Variants in SBF2 observed in about 807,000 individuals in gnomAD.
SBF2 encodes the protein myotubularin-related protein 13.
In SBF2, 112 loss-of-function variants were observed where a neutral mutation model predicts 225.2. The ratio of observed to expected loss-of-function variants is 0.50; its 90% CI spans 0.43 to 0.58. The LOEUF (loss-of-function observed/expected upper bound fraction) is 0.58. Among genes scored for constraint, SBF2 ranks in the 20% least tolerant of loss-of-function variants. SBF2 has a pLI of 0.00. For missense variants in SBF2, 1,996 were observed against 2,206.2 expected, an observed-to-expected ratio of 0.90 and a Z score of 1.91; for synonymous variants, 763 against 773.3, an observed-to-expected ratio of 0.99 and a Z score of 0.22.
At position 9,983,248 on chromosome 11, in the gene SBF2, G is replaced by A. The variant is rs142133948; in HGVS notation, c.1395+6249C>T. Among the ~76,000 whole-genome samples, 751 of 152,282 alleles carry A rather than the reference G, an allele frequency of 4.9e-3. 7 individuals carry two copies. Among genetic ancestry groups the A allele is most frequent in the African/African-American group, 0.017 (723 of 41,552 alleles). ...ACTCAGGGCTACTGGGGGGCACAGC[G>A]GGAGAGAAACTGGCCCTTCTGTTTG... On this transcript the variant is annotated intron_variant, in intron 13 of 39. Transcript: ENST00000256190.
intron 6 of SBF2, among the ~76,000 whole-genome samples, chr11:10,003,859 C>A (rs1474864939): frequency 6.6e-6 from 1 of 152,020 alleles, no homozygotes; most frequent in Non-Finnish European, 1.5e-5. Flanking sequence ...CTGTTTATTA[C>A]TGAACCAAAT....
At chr11:10,105,372 A>G (rs945608135) in intron 2 of SBF2, among the ~76,000 whole-genome samples, 4 of 152,236 alleles carry the variant, frequency 2.6e-5, no homozygotes, top group African/African-American at 9.6e-5. Flanking sequence ...TACATTGGTA[A>G]TAAGCTACTA....
chr11:9,973,757 A>G (rs1451627581), intron 13 of SBF2, among the ~76,000 whole-genome samples: 1 of 152,180 alleles, frequency 6.6e-6, no homozygotes, highest in Non-Finnish European at 1.5e-5. Flanking sequence ...CTAATTTCAA[A>G]TAAAAGCAAA....
chr11:10,288,045 G>A (rs888631418), intron 1 of SBF2, among the ~76,000 whole-genome samples: 1 of 152,208 alleles, frequency 6.6e-6, no homozygotes, highest in Non-Finnish European at 1.5e-5. Context: ...CGGCACCGGG[G>A]AATGTAGTGG....
intron 1 of SBF2, among the ~76,000 whole-genome samples, chr11:10,254,210 TC>T (rs1158185280): frequency 6.6e-6 from 1 of 151,806 alleles, no homozygotes; most frequent in African/African-American, 2.4e-5. Flanking sequence ...ATAGTAAGAC[TC>T]CTAGCTCTAC....
intron 2 of SBF2, among the ~76,000 whole-genome samples, chr11:10,093,342 A>G (rs556294762): frequency 1.5e-4 from 23 of 151,586 alleles, no homozygotes; most frequent in African/African-American, 5.6e-4. Flanking sequence ...GATCAATATA[A>G]ACTCCAAATA....
At chr11:10,066,098 TC>T (rs1282320548) in intron 2 of SBF2, among the ~76,000 whole-genome samples, 1 of 152,078 alleles carries the variant, frequency 6.6e-6, no homozygotes, top group Non-Finnish European at 1.5e-5. Flanking sequence ...ACCCTACAGT[TC>T]CAGATGGCTT....
intron 16 of SBF2, among the ~76,000 whole-genome samples, chr11:9,948,359 A>G (rs1287815248): frequency 1.3e-5 from 2 of 152,146 alleles, no homozygotes; most frequent in Non-Finnish European, 2.9e-5. Flanking sequence ...TTGCACAACA[A>G]TATAAATATA....
At chr11:10,186,964 A>G (rs1956952433) in intron 2 of SBF2, among the ~76,000 whole-genome samples, 1 of 152,242 alleles carries the variant, frequency 6.6e-6, no homozygotes, top group Admixed American at 6.5e-5. Flanking sequence ...CTTTGGATTC[A>G]GCATGAACAG....
At chr11:10,134,282 T>C (rs1397154857) in intron 2 of SBF2, among the ~76,000 whole-genome samples, 1 of 152,094 alleles carries the variant, frequency 6.6e-6, no homozygotes, top group African/African-American at 2.4e-5. Context: ...ACTGGGTCCC[T>C]CCCATGACAC....
intron 2 of SBF2, among the ~76,000 whole-genome samples, chr11:10,067,076 G>A (rs1950653203): frequency 6.6e-6 from 1 of 152,100 alleles, no homozygotes; most frequent in Non-Finnish European, 1.5e-5. Context: ...CCAGGAGATT[G>A]AGACCAGCCT....
intron 1 of SBF2, among the ~76,000 whole-genome samples, chr11:10,233,390 C>G (rs1004823586): frequency 6.6e-6 from 1 of 151,984 alleles, no homozygotes; most frequent in Non-Finnish European, 1.5e-5. Flanking sequence ...TCAATCCTCT[C>G]CCCTACCCTC....
chr11:9,787,636 G>T lies in SBF2; in HGVS notation c.5035C>A (p.Arg1679Ser), dbSNP rs79401259. The change falls in exon 36 of 40, where the codon CGC (arginine) becomes AGC (serine). Residue 1679 changes from arginine to serine, a missense_variant and splice_region_variant. By Grantham distance (110) the Arg-to-Ser change is moderately radical. Transcript: ENST00000256190. ...CTCAAGGGGCATTGCCAACTCACGC[G>T]ATCTGTTCTTGGTTCTTCTTTAAGG... is the stretch of plus-strand genomic sequence containing the variant. Reference protein sequence around the residue: ...VDLKEEPRTDRSQRHLSRSPG... With the variant: ...VDLKEEPRTDSSQRHLSRSPG... The T allele has an allele frequency of 1.9e-6, 3 of 1,613,712 alleles. No individual in the cohort carries two copies. The highest frequency in any genetic ancestry group is 2.5e-6 in the Non-Finnish European group (3 of 1,179,624).
chr11:10,152,320 G>A (rs1278132580), intron 2 of SBF2, among the ~76,000 whole-genome samples: 1 of 152,124 alleles, frequency 6.6e-6, no homozygotes, highest in Non-Finnish European at 1.5e-5. Flanking sequence ...GGAGGCCAAG[G>A]TGGGCAGATC....
intron 2 of SBF2, among the ~76,000 whole-genome samples, chr11:10,080,853 T>C (rs942167747): frequency 1.3e-5 from 2 of 151,386 alleles, no homozygotes; most frequent in African/African-American, 4.9e-5. Flanking sequence ...TCAACAGTAG[T>C]AAAAAAAAGG....
At position 9,819,487 on chromosome 11, in the gene SBF2, T is replaced by C. The variant is rs139724186; in HGVS notation, c.3794-2463A>G. The C allele has an allele frequency of 4.6e-5, 7 of 152,324 alleles. No individual in the cohort carries two copies. The East Asian group carries it at 1.2e-3, about 25-fold the overall frequency. The allele number at this position is 152,324 out of a possible 1,614,324, so 9.4% of individuals were successfully genotyped here. A position where few individuals can be genotyped will look rare whatever the true frequency, so the allele number is the denominator to read the frequency against. ...AAGCTGCACAGTCACAAAAAAAAGA[T>C]GTATTGAGTACCTGTTAAATGAAAT... is the stretch of plus-strand genomic sequence containing the variant. On this transcript the variant is annotated intron_variant, in intron 28 of 39. Transcript: ENST00000256190.
intron 2 of SBF2, among the ~76,000 whole-genome samples, chr11:10,118,415 C>T (rs1953269717): frequency 1.3e-5 from 2 of 152,146 alleles, no homozygotes; most frequent in South Asian, 4.1e-4. Flanking sequence ...GTCAAATTCA[C>T]CAGGGTATTA....
At chr11:10,254,995 A>C (rs941946584) in intron 1 of SBF2, among the ~76,000 whole-genome samples, 1 of 151,578 alleles carries the variant, frequency 6.6e-6, no homozygotes, top group African/African-American at 2.4e-5. Context: ...TAAATTAAAT[A>C]AGCCAAGAAG....
At chr11:9,909,448 G>A (rs866977635) in intron 16 of SBF2, among the ~76,000 whole-genome samples, 3 of 152,120 alleles carry the variant, frequency 2.0e-5, no homozygotes, top group South Asian at 2.1e-4. Flanking sequence ...GAGGCGGGTG[G>A]ATCATGAGGT....
Sources: allele counts gnomAD v4.1 joint callset (sites outside exome capture counted in the v4.1 genomes callset), GRCh38; gene constraint gnomAD v4.1.1; transcripts MANE v1.5; gene names NCBI Gene and HGNC (gene_info 2026-07-23, HGNC 2026-07-21).